Variants in CENPK observed in about 807,000 individuals in gnomAD.
CENPK encodes SoxLZ/Sox6-binding protein Solt.
A neutral mutation model predicts 40.9 loss-of-function variants in CENPK; 46 were observed. The ratio of observed to expected loss-of-function variants is 1.13; its 90% CI spans 0.89 to 1.44. The LOEUF (loss-of-function observed/expected upper bound fraction) is 1.44, where lower values mean the gene tolerates loss of function less well. Ranked by LOEUF, CENPK falls within the 40% of genes most tolerant of loss-of-function variation. The pLI is 0.00. For missense variants in CENPK, 288 were observed against 303.5 expected, an observed-to-expected ratio of 0.95 and a Z score of 0.38; for synonymous variants, 107 against 104.4, an observed-to-expected ratio of 1.02 and a Z score of -0.15.
intron 6 of CENPK, 27 bp from the exon 7 acceptor site, chr5:65,529,226 G>A (rs776658731): frequency 6.1e-6 from 9 of 1,468,180 alleles, no homozygotes; most frequent in Non-Finnish European, 3.8e-6. Context: ...CAAATTAATT[G>A]CTTGGTCTTT....
At chr5:65,501,150 G>C in the CENPK span, among the ~76,000 whole-genome samples, 4 of 147,890 alleles carry the variant, frequency 2.7e-5, no homozygotes, top group Non-Finnish European at 6.0e-5. Context: ...ATTTGTTTCA[G>C]GCATGTTTGC....
chr5:65,496,093 C>CA, the CENPK span, among the ~76,000 whole-genome samples: 3 of 152,026 alleles, frequency 2.0e-5, no homozygotes, highest in Admixed American at 6.6e-5. Context: ...CCCGTCTCTA[C>CA]AAAAAACACA....
At chr5:65,545,415 C>T (rs78725858) in intron 5 of CENPK, among the ~76,000 whole-genome samples, 2,162 of 151,024 alleles carry the variant, frequency 0.014, 49 homozygotes, top group African/African-American at 0.05. Flanking sequence ...ATCAGAATGA[C>T]AGCACATTTC....
chr5:65,496,047 A>C, the CENPK span, among the ~76,000 whole-genome samples: 1 of 152,306 alleles, frequency 6.6e-6, no homozygotes, highest in Non-Finnish European at 1.5e-5. Context: ...GCTTGAGCCC[A>C]GAAGTTTTAG....
the CENPK span, among the ~76,000 whole-genome samples, chr5:65,507,010 C>T: frequency 1.3e-5 from 2 of 152,186 alleles, no homozygotes; most frequent in Non-Finnish European, 2.9e-5. Context: ...AATTTATTAT[C>T]TTACGTATCA....
chr5:65,519,064 G>C (rs1455268602), intron 10 of CENPK, among the ~76,000 whole-genome samples: 3 of 152,156 alleles, frequency 2.0e-5, no homozygotes, highest in Admixed American at 6.5e-5. Context: ...ATAAATCTTT[G>C]CAAGAGTCAA....
chr5:65,513,365 T>A (rs542869460), downstream of CENPK, among the ~76,000 whole-genome samples: 58 of 152,326 alleles, frequency 3.8e-4, no homozygotes, highest in Non-Finnish European at 6.3e-4. Context: ...TATTGAGATT[T>A]CAATGAATCC....
chr5:65,561,714 GACT>G (rs1751999590), intron 1 of CENPK, 150 bp from the exon 2 acceptor site: 1 of 227,258 alleles, frequency 4.4e-6, no homozygotes, highest in South Asian at 5.4e-5. Context: ...CCCCAGTTAG[GACT>G]ACAATACTTA....
downstream of CENPK, among the ~76,000 whole-genome samples, chr5:65,516,151 A>G (rs1312971852): frequency 6.6e-6 from 1 of 152,156 alleles, no homozygotes; most frequent in Admixed American, 6.5e-5. Flanking sequence ...AAATCTGGGG[A>G]AGAGGGGAAC....
chr5:65,562,312 CAAAA>C (rs1206402362), intron 1 of CENPK, among the ~76,000 whole-genome samples: 1 of 151,984 alleles, frequency 6.6e-6, no homozygotes, highest in Non-Finnish European at 1.5e-5. Context: ...TTGTGAGACA[CAAAA>C]GAAAGTAGTC....
chr5:65,540,541 G>A (rs1042796422), intron 6 of CENPK, among the ~76,000 whole-genome samples: 1 of 152,128 alleles, frequency 6.6e-6, no homozygotes, highest in African/African-American at 2.4e-5. Context: ...AGAACATTAG[G>A]ACTTTCAGCA....
chr5:65,538,679 T>C (rs1451822000), intron 6 of CENPK, among the ~76,000 whole-genome samples: 2 of 152,186 alleles, frequency 1.3e-5, no homozygotes, highest in Non-Finnish European at 2.9e-5. Flanking sequence ...GAACTAGCAG[T>C]ACACCATGCA....
chr5:65,539,650 G>A (rs757103121), intron 6 of CENPK, among the ~76,000 whole-genome samples: 10 of 151,950 alleles, frequency 6.6e-5, no homozygotes, highest in Non-Finnish European at 1.5e-4. Flanking sequence ...TGTTCCCACA[G>A]CTTGGCAAAA....
chr5:65,545,828 TA>T (rs1803310901), intron 5 of CENPK, among the ~76,000 whole-genome samples: 2 of 152,156 alleles, frequency 1.3e-5, no homozygotes, highest in African/African-American at 4.8e-5. Context: ...ACGACCCAGT[TA>T]AGCTGTGTCC....
At chr5:65,514,686 C>G (rs966711915), downstream of CENPK, among the ~76,000 whole-genome samples, 1 of 152,176 alleles carries the variant, frequency 6.6e-6, no homozygotes, top group Non-Finnish European at 1.5e-5. Context: ...ACTAGTGAAG[C>G]CATCTGAGAC....
downstream of CENPK, among the ~76,000 whole-genome samples, chr5:65,514,653 T>C (rs1028942905): frequency 6.6e-6 from 1 of 152,194 alleles, no homozygotes; most frequent in Non-Finnish European, 1.5e-5. Flanking sequence ...TTGGCATCAC[T>C]TTCTCTTTGA....
At chr5:65,522,398 T>C (rs1398034451) in intron 9 of CENPK, among the ~76,000 whole-genome samples, 1 of 152,158 alleles carries the variant, frequency 6.6e-6, no homozygotes, top group Admixed American at 6.5e-5. Flanking sequence ...TTTTTCAAAA[T>C]ACTAATCACC....
intron 9 of CENPK, among the ~76,000 whole-genome samples, chr5:65,525,361 A>G (rs1279225435): frequency 2.6e-5 from 4 of 151,526 alleles, no homozygotes; most frequent in Admixed American, 1.3e-4. Flanking sequence ...ACAAGATTCC[A>G]TCTCAAAAAA....
At chr5:65,539,932 G>A (rs1012058208) in intron 6 of CENPK, among the ~76,000 whole-genome samples, 10 of 152,202 alleles carry the variant, frequency 6.6e-5, no homozygotes, top group African/African-American at 2.4e-4. Context: ...TCTAAGTATA[G>A]GAAGCAGAGA....
Sources: gnomAD v4.1 joint callset for allele counts (sites outside exome capture counted in the v4.1 genomes callset) on GRCh38, gnomAD v4.1.1 for gene constraint, MANE v1.5 for transcripts, NCBI Gene and HGNC (gene_info 2026-07-23, HGNC 2026-07-21) for gene names.